ELAVL2: variants seen among roughly 807,000 people sequenced by gnomAD.
The protein encoded by ELAVL2 is ELAV-like protein 2.
ELAVL2 carries 4 observed loss-of-function variants against 34.6 expected under a neutral mutation model. The observed-to-expected ratio is 0.12, with a 90% CI of 0.06 to 0.26. The LOEUF is 0.26. Among genes scored for constraint, ELAVL2 ranks in the 10% least tolerant of loss-of-function variants. ELAVL2 has a pLI of 1.00. For missense variants in ELAVL2, 432 were observed against 442.8 expected (o/e 0.98, Z 0.22); for synonymous variants, 193 against 154.8 (o/e 1.25, Z -1.83).
Position 23,693,469 on chromosome 9 carries a change from T to G in ELAVL2, c.731A>C (p.Asn244Thr), listed in dbSNP as rs1396481202. Reference protein sequence around the residue: ...AQRFRLDNLLNMAYGVKRFSP... With the variant: ...AQRFRLDNLLTMAYGVKRFSP... ...TTACCTCTTTACTCCATAAGCCATA[T>G]TGAGCAGATTGTCCAACCTGCAAAA... The change falls in exon 6 of 7, where the codon AAT (asparagine) becomes ACT (threonine). Residue 244 changes from asparagine (N) to threonine (T), a missense_variant. Physicochemically the swap from Asn to Thr is moderately conservative, Grantham distance 65. This residue lies in a region of ELAVL2 where 295 missense variants were observed against 306.1 expected (regional missense o/e 0.96). Coordinates refer to ENST00000397312, the MANE Select transcript of ELAVL2 (RefSeq NM_004432.5). 6.2e-7 allele frequency: 1 copy of G among 1,614,004 alleles called. No homozygotes were observed. The highest frequency in any genetic ancestry group is 8.5e-7 in the Non-Finnish European group (1 of 1,179,960).
At chr9:23,722,249 T>G (rs1487651121) in intron 3 of ELAVL2, among the ~76,000 whole-genome samples, 2 of 152,244 alleles carry the variant, frequency 1.3e-5, no homozygotes, top group Non-Finnish European at 2.9e-5. Flanking sequence ...ACCTTTAAAC[T>G]AGCATCTACG....
At chr9:23,751,374 C>A (rs2051979766) in intron 2 of ELAVL2, among the ~76,000 whole-genome samples, 1 of 152,110 alleles carries the variant, frequency 6.6e-6, no homozygotes, top group Non-Finnish European at 1.5e-5. Flanking sequence ...TGCCCCCTCC[C>A]CCATACACAC....
At position 23,702,124 on chromosome 9, in the gene ELAVL2, A is replaced by G. The variant is rs531805721; in HGVS notation, c.488-520T>C. On this transcript the variant is annotated intron_variant, in intron 4 of 6. Coordinates refer to ENST00000397312, the MANE Select transcript of ELAVL2 (RefSeq NM_004432.5). Reference sequence around the variant, plus strand: ...CATTTCGGTTGAAATTTTAAATAATATATTCAGCTTAATAATATTGCATAG... The same window carrying G: ...CATTTCGGTTGAAATTTTAAATAATGTATTCAGCTTAATAATATTGCATAG... 2.5e-4 allele frequency among the ~76,000 whole-genome samples: 38 copies of G among 152,318 alleles called. No individual in the cohort carries two copies. In the East Asian group the frequency reaches 6.8e-3, roughly 27 times the overall value.
chr9:23,738,288 G>A (rs1249273923), intron 2 of ELAVL2, among the ~76,000 whole-genome samples: 4 of 152,206 alleles, frequency 2.6e-5, no homozygotes, highest in Non-Finnish European at 4.4e-5. Context: ...CTCTAGTCAC[G>A]TTTTTCTCCA....
At chr9:23,795,592 C>A (rs1481395120) in intron 1 of ELAVL2, among the ~76,000 whole-genome samples, 1 of 152,080 alleles carries the variant, frequency 6.6e-6, no homozygotes, top group Non-Finnish European at 1.5e-5. Flanking sequence ...ATTGTAAGTA[C>A]TGGAAAATAC....
Position 23,692,054 on chromosome 9 carries a change from A to G in ELAVL2, c.*503T>C, listed in dbSNP as rs1158828796. On this transcript the variant is annotated 3_prime_UTR_variant, in exon 7 of 7. Coordinates refer to ENST00000397312, the MANE Select transcript of ELAVL2 (RefSeq NM_004432.5). ...AATTACAAAATAAATACTGTTTTAAACTTCATAAATAAAAATGTAAACTTC... is the reference window on the plus strand; with the variant it reads ...AATTACAAAATAAATACTGTTTTAAGCTTCATAAATAAAAATGTAAACTTC... 3 of 154,268 alleles carry G rather than the reference A, an allele frequency of 1.9e-5. No homozygotes were observed. The highest frequency in any genetic ancestry group is 4.3e-5 in the Non-Finnish European group (3 of 69,190). 9.6% of individuals were successfully genotyped at this position (154,268 alleles called of 1,614,324 possible).
chr9:23,724,279 C>G (rs1469037131), intron 3 of ELAVL2, among the ~76,000 whole-genome samples: 1 of 152,172 alleles, frequency 6.6e-6, no homozygotes, highest in Non-Finnish European at 1.5e-5. Flanking sequence ...TGTTCCTCAT[C>G]CTTCCCTCTT....
At chr9:23,800,977 C>A (rs1306809925) in intron 1 of ELAVL2, among the ~76,000 whole-genome samples, 1 of 152,136 alleles carries the variant, frequency 6.6e-6, no homozygotes, top group Non-Finnish European at 1.5e-5. Context: ...AGATCAAGAA[C>A]ACATTTTATA....
chr9:23,737,617 A>T (rs912812437), intron 2 of ELAVL2, among the ~76,000 whole-genome samples: 1 of 152,218 alleles, frequency 6.6e-6, no homozygotes, highest in Non-Finnish European at 1.5e-5. Flanking sequence ...GTACAAGTCA[A>T]ATAAAATGCA....
At chr9:23,705,242 G>C (rs1202498500) in intron 3 of ELAVL2, among the ~76,000 whole-genome samples, 171 bp from the exon 4 acceptor site, 1 of 152,076 alleles carries the variant, frequency 6.6e-6, no homozygotes, top group Non-Finnish European at 1.5e-5. Context: ...TAGACAAATG[G>C]GTAGTAGTAT....
chr9:23,702,045 T>A (rs1189874618), intron 4 of ELAVL2, among the ~76,000 whole-genome samples: 1 of 152,110 alleles, frequency 6.6e-6, no homozygotes, highest in Non-Finnish European at 1.5e-5. Flanking sequence ...AAAGAAGAAT[T>A]TGCTAAAAAT....
intron 2 of ELAVL2, among the ~76,000 whole-genome samples, chr9:23,741,935 G>C (rs2049304148): frequency 6.6e-6 from 1 of 152,132 alleles, no homozygotes; most frequent in Non-Finnish European, 1.5e-5. Context: ...GCAAGCAGCT[G>C]AACCTGGGTT....
intron 1 of ELAVL2, among the ~76,000 whole-genome samples, chr9:23,777,186 T>G (rs1444634032): frequency 2.6e-5 from 4 of 152,228 alleles, no homozygotes; most frequent in African/African-American, 9.6e-5. Flanking sequence ...CAGTTAGGAC[T>G]GCAATCTCTT....
the ELAVL2 span, among the ~76,000 whole-genome samples, chr9:23,836,387 T>C: frequency 4.6e-5 from 7 of 152,226 alleles, no homozygotes; most frequent in African/African-American, 1.7e-4. Flanking sequence ...ATTTCTAGGT[T>C]CCTTGTGCAA....
At chr9:23,712,971 A>G (rs1465379850) in intron 3 of ELAVL2, among the ~76,000 whole-genome samples, 1 of 152,212 alleles carries the variant, frequency 6.6e-6, no homozygotes, top group Non-Finnish European at 1.5e-5. Context: ...AAATTAGACC[A>G]CCTTTTTCAC....
At position 23,771,960 on chromosome 9, in the gene ELAVL2, G is replaced by T. The variant is rs1372822910; in HGVS notation, c.-15-9711C>A. 2.0e-5 allele frequency among the ~76,000 whole-genome samples: 3 copies of T among 152,094 alleles called. 1 individual carries two copies. The highest frequency in any genetic ancestry group is 2.0e-4 in the Admixed American group (3 of 15,274). Reference sequence around the variant, plus strand: ...CCCATTCTTTCATTCCAACCTAAGTGGACCCAATTAATTTCCATGCCATTA... The same window carrying T: ...CCCATTCTTTCATTCCAACCTAAGTTGACCCAATTAATTTCCATGCCATTA... On this transcript the variant is annotated intron_variant, in intron 1 of 6. Coordinates refer to ENST00000397312, the MANE Select transcript of ELAVL2 (RefSeq NM_004432.5).
upstream of ELAVL2, chr9:23,826,265 G>A (rs181806974): frequency 2.0e-4 from 30 of 152,474 alleles, 1 homozygote; most frequent in African/African-American, 7.2e-4. Flanking sequence ...CTGGACCACA[G>A]ATTTATAGCA....
chr9:23,701,364 C>T lies in ELAVL2; in HGVS notation c.713+15G>A. On this transcript the variant is annotated intron_variant, in intron 5 of 6. Transcript: ENST00000397312. ...TCAGTTTAGTAGCTGGGCACAAGAA[C>T]CAAACCAGACTTACCTAAAACGCTG... is the stretch of plus-strand genomic sequence containing the variant. 1.2e-6 allele frequency: 2 copies of T among 1,613,616 alleles called. No homozygotes were observed. Among genetic ancestry groups the T allele is most frequent in the Non-Finnish European group, 1.7e-6 (2 of 1,179,620 alleles).
intron 2 of ELAVL2, among the ~76,000 whole-genome samples, chr9:23,731,684 C>A (rs544716919): frequency 6.6e-6 from 1 of 152,124 alleles, no homozygotes; most frequent in Admixed American, 6.6e-5. Context: ...TCTTCAAATA[C>A]ACTCAATCAA....
Sources: allele counts gnomAD v4.1 joint callset (sites outside exome capture counted in the v4.1 genomes callset), GRCh38; gene constraint gnomAD v4.1.1; regional missense constraint gnomAD v4.1.1; transcripts MANE v1.5; gene names NCBI Gene and HGNC (gene_info 2026-07-23, HGNC 2026-07-21).